Variants in LDHAL6A observed in about 807,000 individuals in gnomAD.
LDHAL6A encodes L-lactate dehydrogenase A-like 6A.
Under a neutral mutation model 28.2 loss-of-function variants are expected in LDHAL6A, and 19 were observed. The observed-to-expected ratio is 0.67, with a 90% CI of 0.47 to 0.99. LDHAL6A has a LOEUF of 0.99. LDHAL6A is among the 50% of genes least tolerant of loss of function. The probability of loss-of-function intolerance (pLI) is 0.00; values close to 1 mark genes in which losing one functional copy is unlikely to be tolerated. For synonymous variants in LDHAL6A, 144 were observed against 134.4 expected (o/e 1.07, Z -0.49); for missense variants, 372 against 398.6 (o/e 0.93, Z 0.57).
rs67628824 is a variant in LDHAL6A, at chr11:18,464,977, G to GTTTTTTTTTTTT, written c.245-651_245-650insTTTTTTTTTTTT. Among the ~76,000 whole-genome samples, 328 of 125,408 alleles carry GTTTTTTTTTTTT rather than the reference G, an allele frequency of 2.6e-3. 25 individuals carry two copies. Among genetic ancestry groups the GTTTTTTTTTTTT allele is most frequent in the African/African-American group, 3.7e-3 (109 of 29,756 alleles). 82.3% of individuals were successfully genotyped at this position (125,408 alleles called of 152,430 possible). A position where few individuals can be genotyped will look rare whatever the true frequency, so the allele number is the denominator to read the frequency against. On this transcript the variant is annotated intron_variant, in intron 2 of 6. Coordinates refer to ENST00000280706, the MANE Select transcript of LDHAL6A (RefSeq NM_144972.5). ...TTTTAGGAGGTGAGGTGTTTTTTTTGTTTTTTTTTGTTTTGTTTTGTTTTG... is the reference window on the plus strand; with the variant it reads ...TTTTAGGAGGTGAGGTGTTTTTTTTGTTTTTTTTTTTTTTTTTTTTTGTTTTGTTTTGTTTTG...
At position 18,478,593 on chromosome 11, in the gene LDHAL6A, C is replaced by T. The variant is rs76846465; in HGVS notation, c.835-113C>T. ...AAGAAAAAAGTTCTCTGCCTTGGTA[C>T]TCTGCCATAGTTCGTACTATACCAA... On this transcript the variant is annotated intron_variant, in intron 6 of 6. Transcript: ENST00000280706. 720 of 821,628 alleles carry T rather than the reference C, an allele frequency of 8.8e-4. 6 individuals are homozygous for T. In the African/African-American group the frequency reaches 0.012, roughly 13 times the overall value. 50.9% of individuals were successfully genotyped at this position (821,628 alleles called of 1,614,324 possible).
At chr11:18,470,648 A>T (rs1012903930) in intron 3 of LDHAL6A, among the ~76,000 whole-genome samples, 1 of 152,054 alleles carries the variant, frequency 6.6e-6, no homozygotes. Flanking sequence ...AAACATTACT[A>T]ACTTTATAGC....
chr11:18,465,839 T>A, intron 3 of LDHAL6A, 29 bp downstream of exon 3: 1 of 1,578,428 alleles, frequency 6.3e-7, no homozygotes, highest in Middle Eastern at 1.7e-4. Flanking sequence ...AATTTTCAAC[T>A]TTTAGATTCG....
intron 2 of LDHAL6A, 121 bp downstream of exon 2, chr11:18,464,199 C>T (rs1230543755): frequency 1.5e-6 from 1 of 666,260 alleles, no homozygotes. Flanking sequence ...GCTCCCTACT[C>T]TGTACTCTCA....
At chr11:18,467,898 TATATATATATATATATATATAC>T (rs1565070847) in intron 3 of LDHAL6A, among the ~76,000 whole-genome samples, 7 of 68,222 alleles carry the variant, frequency 1.0e-4, no homozygotes, top group African/African-American at 2.6e-4. Context: ...TATATATATA[TATATATATATATATATATATAC>T]ACACACATAT....
intron 3 of LDHAL6A, among the ~76,000 whole-genome samples, chr11:18,474,078 T>C (rs1361350331): frequency 6.6e-6 from 1 of 152,104 alleles, no homozygotes; most frequent in African/African-American, 2.4e-5. Flanking sequence ...TATTTTTCTT[T>C]CTCATTTTCT....
At chr11:18,463,041 C>A (rs1199054027) in intron 1 of LDHAL6A, among the ~76,000 whole-genome samples, 1 of 151,398 alleles carries the variant, frequency 6.6e-6, no homozygotes, top group East Asian at 1.9e-4. Flanking sequence ...GAATTGATTT[C>A]TGTAGGTAAT....
chr11:18,476,682 T>G, intron 5 of LDHAL6A, 181 bp downstream of exon 5: 1 of 897,612 alleles, frequency 1.1e-6, no homozygotes, highest in Non-Finnish European at 1.3e-6. Flanking sequence ...AGGAACTGAT[T>G]CTGTGTTGCT....
chr11:18,462,652 A>G (rs1471627240), intron 1 of LDHAL6A, among the ~76,000 whole-genome samples: 1 of 56,628 alleles, frequency 1.8e-5, no homozygotes. Flanking sequence ...ACAAACAAAC[A>G]AACAAAAAAA....
At chr11:18,469,336 C>T (rs1453889654) in intron 3 of LDHAL6A, 4 of 426,790 alleles carry the variant, frequency 9.4e-6, no homozygotes, top group Non-Finnish European at 1.2e-5. Context: ...TATATGATAA[C>T]AAATTAGGAA....
At position 18,477,747 on chromosome 11, in the gene LDHAL6A, G is replaced by A; in HGVS notation, c.834+4G>A. On this transcript the variant is annotated splice_donor_region_variant and intron_variant, in intron 6 of 6. Coordinates refer to ENST00000280706, the MANE Select transcript of LDHAL6A (RefSeq NM_144972.5). ...TCCAGTTTCTACCCTAAGTAAGGTA[G>A]GACATTCATGTTCGAAAAATCATTA... The A allele has an allele frequency of 1.3e-6, 2 of 1,588,788 alleles. No homozygotes were observed. The highest frequency in any genetic ancestry group is 8.5e-7 in the Non-Finnish European group (1 of 1,171,298).
At chr11:18,463,840 T>C in intron 1 of LDHAL6A, 121 bp from the exon 2 acceptor site, 1 of 661,692 alleles carries the variant, frequency 1.5e-6, no homozygotes, top group South Asian at 1.9e-5. Flanking sequence ...TCATTTATTA[T>C]GTTTCCTTTG....
In LDHAL6A at chr11:18,456,749, C is replaced by G; in HGVS notation, c.69C>G (p.Ile23Met). ...AEEEAIHHNK[I>M]SIVGTGSVGV... is the part of the protein sequence containing the mutation. ...AGGAGGCCATTCATCACAATAAGAT[C>G]TCCATTGTAGGAACTGGATCGGTTG... Residue 23 changes from isoleucine to methionine, a missense_variant, in exon 1 of 7, where the codon ATC becomes ATG. Transcript: ENST00000280706. The G allele has an allele frequency of 1.9e-6, 3 of 1,613,558 alleles. No homozygotes were observed. Among genetic ancestry groups the G allele is most frequent in the Non-Finnish European group, 2.5e-6 (3 of 1,179,482 alleles).
chr11:18,459,275 A>C (rs1235306935), intron 1 of LDHAL6A, among the ~76,000 whole-genome samples: 1 of 152,186 alleles, frequency 6.6e-6, no homozygotes, highest in East Asian at 1.9e-4. Context: ...GAAGGACTAG[A>C]CTGGCTAAGT....
At chr11:18,465,001 T>TTTTTTTTTTTTTTTTTTTTTTTTTTG (rs1849025165) in intron 2 of LDHAL6A, among the ~76,000 whole-genome samples, 4 of 144,414 alleles carry the variant, frequency 2.8e-5, no homozygotes, top group African/African-American at 8.1e-5. Flanking sequence ...TGTTTTGTTT[T>TTTTTTTTTTTTTTTTTTTTTTTTTTG]GGTTTGTTTT....
At chr11:18,475,278 A>G (rs1246088535) in intron 3 of LDHAL6A, 188 bp from the exon 4 acceptor site, 2 of 511,640 alleles carry the variant, frequency 3.9e-6, no homozygotes, top group South Asian at 6.1e-5. Flanking sequence ...AGTATCAACG[A>G]AAAGGTTTTT....
At chr11:18,461,579 G>A (rs560040349) in intron 1 of LDHAL6A, among the ~76,000 whole-genome samples, 17 of 152,114 alleles carry the variant, frequency 1.1e-4, no homozygotes, top group African/African-American at 3.4e-4. Context: ...GGCTGGGTGC[G>A]GTGGCTCAAG....
intron 1 of LDHAL6A, among the ~76,000 whole-genome samples, chr11:18,462,676 C>A (rs557919871): frequency 5.7e-4 from 78 of 135,904 alleles, no homozygotes; most frequent in South Asian, 1.9e-3. Context: ...ACAAAAAAAA[C>A]CCAAAAATTA....
intron 3 of LDHAL6A, among the ~76,000 whole-genome samples, chr11:18,468,002 CGTAT>C (rs1849149704): frequency 2.7e-5 from 1 of 37,704 alleles, no homozygotes; most frequent in African/African-American, 1.5e-4. Context: ...CATATATATA[CGTAT>C]ATATATACAT....
Sources: allele counts gnomAD v4.1 joint callset (sites outside exome capture counted in the v4.1 genomes callset), GRCh38; gene constraint gnomAD v4.1.1; transcripts MANE v1.5; gene names NCBI Gene and HGNC (gene_info 2026-07-23, HGNC 2026-07-21).